Variants in ERC2 observed in about 807,000 individuals in gnomAD.
ERC2 encodes ELKS/RAB6-interacting/CAST family member 2.
In ERC2, 42 loss-of-function variants were observed where a neutral mutation model predicts 114.8. The observed-to-expected ratio is 0.37, with a 90% CI of 0.29 to 0.47. ERC2 has a LOEUF of 0.47. Ranked by LOEUF, ERC2 falls within the 20% of genes least tolerant of loss-of-function variation. The probability of loss-of-function intolerance (pLI) is 0.99; values close to 1 mark genes in which losing one functional copy is unlikely to be tolerated. For synonymous variants in ERC2, 454 were observed against 425.5 expected, an observed-to-expected ratio of 1.07 and a Z score of -0.82; for missense variants, 939 against 1,150.7, an observed-to-expected ratio of 0.82 and a Z score of 2.66.
chr3:56,176,450 A>T (rs1321173933), intron 3 of ERC2, among the ~76,000 whole-genome samples: 2 of 152,210 alleles, frequency 1.3e-5, no homozygotes, highest in African/African-American at 4.8e-5. Context: ...GTTATTCAAT[A>T]ATGGAAACAG....
chr3:55,688,404 C>G (rs998848217), intron 16 of ERC2, among the ~76,000 whole-genome samples: 2 of 152,114 alleles, frequency 1.3e-5, no homozygotes, highest in Admixed American at 6.5e-5. Context: ...ACCTGGCCAG[C>G]AGCTGGGGAG....
chr3:55,823,841 T>A (rs1475978380), intron 14 of ERC2, among the ~76,000 whole-genome samples: 2 of 152,166 alleles, frequency 1.3e-5, no homozygotes, highest in Non-Finnish European at 2.9e-5. Context: ...CCCAATTGTA[T>A]TAGTTTACTT....
At chr3:55,579,913 CTT>C (rs1178470513) in intron 17 of ERC2, among the ~76,000 whole-genome samples, 1 of 152,104 alleles carries the variant, frequency 6.6e-6, no homozygotes, top group Non-Finnish European at 1.5e-5. Context: ...ATCAGAATGT[CTT>C]TTAAATCCTG....
intron 14 of ERC2, among the ~76,000 whole-genome samples, chr3:55,790,884 G>A (rs1430553168): frequency 2.0e-5 from 3 of 152,190 alleles, no homozygotes; most frequent in Non-Finnish European, 2.9e-5. Flanking sequence ...AGGCAATACA[G>A]AGCTCAGCAA....
Position 55,509,724 on chromosome 3 carries a change from G to A in ERC2, c.*1592C>T, listed in dbSNP as rs550177738. On this transcript the variant is annotated 3_prime_UTR_variant, in exon 18 of 18. Transcript: ENST00000288221. ...AATATCTCTATGGCTCACAAGAGAG[G>A]TCCAGAGTTAATTGCACCAACATTT... The A allele has an allele frequency of 1.3e-5, 2 of 152,652 alleles. No homozygotes were observed. The highest frequency in any genetic ancestry group is 1.9e-4 in the East Asian group (1 of 5,172). 9.5% of individuals were successfully genotyped at this position (152,652 alleles called of 1,614,324 possible).
At chr3:55,760,974 G>T (rs2067390962) in intron 14 of ERC2, among the ~76,000 whole-genome samples, 1 of 152,162 alleles carries the variant, frequency 6.6e-6, no homozygotes, top group Non-Finnish European at 1.5e-5. Flanking sequence ...TGGGCCCAGG[G>T]TAGATTGGGA....
chr3:56,010,423 T>A lies in ERC2; in HGVS notation c.1920+26A>T, dbSNP rs368355137. ...TATGGGTTTATGAGGACTATCAATG[T>A]GGTTCATTTGTTTTTCCAGACTCAC... On this transcript the variant is annotated intron_variant, in intron 9 of 17. Transcript: ENST00000288221. 2.0e-5 allele frequency: 32 copies of A among 1,609,724 alleles called. No homozygotes were observed. In the South Asian group the frequency reaches 2.2e-4, roughly 11 times the overall value.
chr3:55,567,405 C>G (rs951728173), intron 17 of ERC2, among the ~76,000 whole-genome samples: 1 of 152,140 alleles, frequency 6.6e-6, no homozygotes, highest in Non-Finnish European at 1.5e-5. Flanking sequence ...TGGGTAGGTA[C>G]CTTATGGGAC....
At chr3:56,133,096 C>T (rs1204042004) in intron 6 of ERC2, among the ~76,000 whole-genome samples, 1 of 152,134 alleles carries the variant, frequency 6.6e-6, no homozygotes, top group Non-Finnish European at 1.5e-5. Flanking sequence ...ATTCCGTGAA[C>T]TCACCTGTCA....
intron 14 of ERC2, among the ~76,000 whole-genome samples, chr3:55,787,611 C>T (rs1043396223): frequency 1.1e-4 from 16 of 152,092 alleles, no homozygotes; most frequent in African/African-American, 3.4e-4. Context: ...TAGTTACTAA[C>T]ACTCCATTTT....
intron 2 of ERC2, among the ~76,000 whole-genome samples, chr3:56,406,225 C>T (rs934520015): frequency 1.3e-5 from 2 of 152,198 alleles, no homozygotes; most frequent in East Asian, 1.9e-4. Context: ...TTTTGATATA[C>T]ATTTGCCAAT....
At chr3:56,442,423 T>C (rs913548525) in intron 1 of ERC2, among the ~76,000 whole-genome samples, 1 of 152,068 alleles carries the variant, frequency 6.6e-6, no homozygotes, top group African/African-American at 2.4e-5. Context: ...TTTTGTCATG[T>C]TGCCCAGGCT....
intron 6 of ERC2, among the ~76,000 whole-genome samples, chr3:56,095,329 A>G (rs2078006621): frequency 6.6e-6 from 1 of 152,146 alleles, no homozygotes; most frequent in Non-Finnish European, 1.5e-5. Flanking sequence ...CTTTCTAAGC[A>G]AGAGAAAAAG....
At chr3:55,985,857 C>CG (rs2070577368) in intron 12 of ERC2, 120 bp downstream of exon 12, 6 of 847,210 alleles carry the variant, frequency 7.1e-6, no homozygotes, top group South Asian at 1.5e-5. Flanking sequence ...ATGAAATGAG[C>CG]GGGGGGAAAT....
intron 14 of ERC2, among the ~76,000 whole-genome samples, chr3:55,736,960 T>C (rs2065672779): frequency 6.6e-6 from 1 of 152,148 alleles, no homozygotes; most frequent in African/African-American, 2.4e-5. Flanking sequence ...ATCTCCACCA[T>C]TTGTGTCTCT....
Position 55,882,763 on chromosome 3 carries a change from A to G in ERC2, c.2564+5626T>C, listed in dbSNP as rs80223004. ...GATTTTGGTATCTAAAGGAGGCCCTAGAACCAATCACCCACAGATACCAAG... is the reference window on the plus strand; with the variant it reads ...GATTTTGGTATCTAAAGGAGGCCCTGGAACCAATCACCCACAGATACCAAG... On this transcript the variant is annotated intron_variant, in intron 14 of 17. Coordinates refer to ENST00000288221, the MANE Select transcript of ERC2 (RefSeq NM_015576.3). 2.9e-3 allele frequency among the ~76,000 whole-genome samples: 438 copies of G among 152,334 alleles called. 3 individuals carry two copies. The highest frequency in any genetic ancestry group is 1.0e-2 in the African/African-American group (414 of 41,580).
At chr3:56,346,701 T>C (rs2058322002) in intron 2 of ERC2, among the ~76,000 whole-genome samples, 1 of 152,230 alleles carries the variant, frequency 6.6e-6, no homozygotes, top group Non-Finnish European at 1.5e-5. Flanking sequence ...AATACTGTCT[T>C]AGTCTATTTG....
At chr3:56,324,551 C>A (rs1464041248) in intron 2 of ERC2, among the ~76,000 whole-genome samples, 1 of 152,134 alleles carries the variant, frequency 6.6e-6, no homozygotes, top group Non-Finnish European at 1.5e-5. Context: ...AAAGCCAAAC[C>A]ATCATGAGTT....
intron 17 of ERC2, among the ~76,000 whole-genome samples, chr3:55,627,798 C>T (rs1040676562): frequency 2.0e-5 from 3 of 151,494 alleles, no homozygotes; most frequent in Non-Finnish European, 1.5e-5. Context: ...TTTCTGTGAC[C>T]TTCCATTTTT....
Sources: allele counts gnomAD v4.1 joint callset (sites outside exome capture counted in the v4.1 genomes callset), GRCh38; gene constraint gnomAD v4.1.1; transcripts MANE v1.5; gene names NCBI Gene and HGNC (gene_info 2026-07-23, HGNC 2026-07-21).